The following BARD1 variants were observed in gnomAD, a reference collection of about 807,000 sequenced individuals.
BARD1 encodes BRCA1 associated RING domain 1.
In BARD1, 73 loss-of-function variants were observed where a neutral mutation model predicts 77.0. That is an observed-to-expected ratio of 0.95 (90% CI 0.79 to 1.15). The LOEUF is 1.15. Ranked by LOEUF, BARD1 falls within the 50% of genes most tolerant of loss-of-function variation. The pLI is 0.00. For synonymous variants in BARD1, 384 were observed against 338.0 expected (o/e 1.14, Z -1.49); for missense variants, 993 against 938.8 (o/e 1.06, Z -0.75).
chr2:214,763,046 C>G (rs1242241557), intron 6 of BARD1, among the ~76,000 whole-genome samples: 3 of 152,026 alleles, frequency 2.0e-5, no homozygotes, highest in Admixed American at 6.6e-5. Context: ...TTTCAAAGAC[C>G]CTGCCCATCT....
intron 1 of BARD1, among the ~76,000 whole-genome samples, chr2:214,807,154 C>A (rs1359200558): frequency 1.3e-5 from 2 of 151,874 alleles, no homozygotes; most frequent in Non-Finnish European, 2.9e-5. Context: ...AATTTGCAGA[C>A]CCCTACATGA....
chr2:214,809,146 A>C (rs2106169721), intron 1 of BARD1, among the ~76,000 whole-genome samples: 1 of 152,318 alleles, frequency 6.6e-6, no homozygotes, highest in African/African-American at 2.4e-5. Context: ...CCACACCTCC[A>C]GACGGTTCTT....
intron 2 of BARD1, among the ~76,000 whole-genome samples, chr2:214,796,352 G>A (rs1191470874): frequency 6.6e-6 from 1 of 152,186 alleles, no homozygotes; most frequent in Non-Finnish European, 1.5e-5. Context: ...TTTGGAAAAA[G>A]AGGCTCTAGA....
At chr2:214,799,663 C>T (rs1245895946) in intron 1 of BARD1, among the ~76,000 whole-genome samples, 1 of 151,210 alleles carries the variant, frequency 6.6e-6, no homozygotes, top group Non-Finnish European at 1.5e-5. Flanking sequence ...TGCCTTTCTT[C>T]TCTCATTTGC....
chr2:214,806,085 C>T (rs1268500488), intron 1 of BARD1, among the ~76,000 whole-genome samples: 1 of 152,178 alleles, frequency 6.6e-6, no homozygotes, highest in Non-Finnish European at 1.5e-5. Flanking sequence ...GGTTGTGAGG[C>T]TTGGTCCTAA....
In BARD1 at chr2:214,781,085, A is replaced by G. The variant is rs1345594874; in HGVS notation, c.789T>C (p.Ser263=). The change falls in exon 4 of 11, where the codon AGT becomes AGC. Residue 263 remains serine, a synonymous_variant. Coordinates refer to ENST00000260947, the MANE Select transcript of BARD1 (RefSeq NM_000465.4). ...AACATTCAGATTCTGTCAAGGAGCCACTTGCTAGTAAGTCTATTTCACCAT... is the reference window on the plus strand; with the variant it reads ...AACATTCAGATTCTGTCAAGGAGCCGCTTGCTAGTAAGTCTATTTCACCAT... ...QINGEIDLLA[S]GSLTESECFG... 4 of 1,593,252 alleles carry G rather than the reference A, an allele frequency of 2.5e-6. No individual in the cohort carries two copies. The highest frequency in any genetic ancestry group is 1.4e-5 in the African/African-American group (1 of 73,928).
At chr2:214,809,351 C>T in intron 1 of BARD1, 61 bp downstream of exon 1, 1 of 1,599,390 alleles carries the variant, frequency 6.3e-7, no homozygotes, top group Non-Finnish European at 8.5e-7. Context: ...AAGATTCTGC[C>T]GCCCCCAGAA....
In BARD1 at chr2:214,767,609, G is replaced by GGGAAA; in HGVS notation, c.1440_1441insTTTCC (p.Leu481PhefsTer9). The GGGAAA allele has an allele frequency of 6.2e-7, 1 of 1,614,042 alleles. No homozygotes were observed. The highest frequency in any genetic ancestry group is 8.5e-7 in the Non-Finnish European group (1 of 1,179,952). ...GTGTTCACCAATGCCTTATGCTGGA[G>GGGAAA]CAATAATTCCACTACCTTCAGGTGC... On this transcript the variant is annotated frameshift_variant, in exon 6 of 11. Transcript: ENST00000260947. LOFTEE classifies it high-confidence loss of function.
intron 3 of BARD1, among the ~76,000 whole-genome samples, chr2:214,783,788 A>C (rs1169596248): frequency 6.6e-6 from 1 of 152,150 alleles, no homozygotes; most frequent in Non-Finnish European, 1.5e-5. Flanking sequence ...CTATTTAATA[A>C]ATGATGTTGG....
rs1559454295 is a variant in BARD1 at position 214,809,453 on chromosome 2, GGC to G, written c.115_116del (p.Ala39ArgfsTer16). On this transcript the variant is annotated frameshift_variant, in exon 1 of 11. Coordinates refer to ENST00000260947, the MANE Select transcript of BARD1 (RefSeq NM_000465.4). LOFTEE classifies it high-confidence loss of function. ...DGRGAWAHSR[A>X]ALDRLEKLLR... The stretch of plus-strand genomic sequence containing the variant: ...GCAGCTTCTCCAGGCGGTCGAGCGC[GGC>G]GCGACTGTGGGCCCAGGCACCGCGA... 1 of 1,611,572 alleles carries G rather than the reference GGC, an allele frequency of 6.2e-7. No homozygotes were observed. Among genetic ancestry groups the G allele is most frequent in the Non-Finnish European group, 8.5e-7 (1 of 1,179,628 alleles).
intron 9 of BARD1, among the ~76,000 whole-genome samples, chr2:214,742,187 T>A (rs1369905184): frequency 6.6e-6 from 1 of 152,234 alleles, no homozygotes; most frequent in Non-Finnish European, 1.5e-5. Flanking sequence ...CATCTTTTAA[T>A]ATGAATGGTT....
chr2:214,750,156 ACT>A (rs1693338664), intron 7 of BARD1, among the ~76,000 whole-genome samples: 3 of 151,642 alleles, frequency 2.0e-5, no homozygotes, highest in South Asian at 2.1e-4. Context: ...GAGTCTACCA[ACT>A]CTCTCTAAAA....
chr2:214,730,046 C>T (rs190791143), intron 10 of BARD1, among the ~76,000 whole-genome samples: 26 of 152,270 alleles, frequency 1.7e-4, no homozygotes, highest in African/African-American at 6.3e-4. Context: ...ATAATATCAA[C>T]AGGATAATGC....
At chr2:214,759,768 G>GA (rs1357408372) in intron 6 of BARD1, among the ~76,000 whole-genome samples, 3 of 152,048 alleles carry the variant, frequency 2.0e-5, no homozygotes, top group Non-Finnish European at 4.4e-5. Flanking sequence ...GCCTCTATGG[G>GA]AAAAAATAGG....
At chr2:214,799,811 T>G (rs186706884) in intron 1 of BARD1, among the ~76,000 whole-genome samples, 1 of 152,178 alleles carries the variant, frequency 6.6e-6, no homozygotes, top group East Asian at 1.9e-4. Context: ...CCATACCAGC[T>G]ACTCCCATCT....
intron 4 of BARD1, among the ~76,000 whole-genome samples, chr2:214,770,560 G>T (rs186553341): frequency 2.2e-4 from 33 of 152,330 alleles, no homozygotes; most frequent in African/African-American, 7.9e-4. Flanking sequence ...TCTGAAGGCA[G>T]ACAATATTAA....
chr2:214,774,323 G>A (rs901820972), intron 4 of BARD1, among the ~76,000 whole-genome samples: 4 of 151,998 alleles, frequency 2.6e-5, no homozygotes, highest in Admixed American at 2.6e-4. Flanking sequence ...AATCATCTGT[G>A]GAATACCCAT....
chr2:214,750,412 T>G (rs1693352284), intron 7 of BARD1, among the ~76,000 whole-genome samples: 1 of 152,140 alleles, frequency 6.6e-6, no homozygotes, highest in African/African-American at 2.4e-5. Context: ...TTACCCTGAA[T>G]CCCTCTTAAA....
rs905626929 is a variant in BARD1, at chr2:214,780,888, G to T, written c.986C>A (p.Ser329Tyr). 1.2e-6 allele frequency: 2 copies of T among 1,614,116 alleles called. No individual in the cohort carries two copies. Among genetic ancestry groups the T allele is most frequent in the Non-Finnish European group, 1.7e-6 (2 of 1,180,004 alleles). Residue 329 changes from serine (S) to tyrosine (Y), a missense_variant, in exon 4 of 11, where the codon TCC becomes TAC. Coordinates refer to ENST00000260947, the MANE Select transcript of BARD1 (RefSeq NM_000465.4). ...TCTACATCTCTTAGAAATGGGACTG[G>T]AAAGTCTATTGTGATGGCCACGTTT... is the stretch of plus-strand genomic sequence containing the variant. ...NGKRGHHNRLSSPISKRCRTS... is the reference protein window; with the variant it reads ...NGKRGHHNRLYSPISKRCRTS...
Sources: gnomAD v4.1 joint callset for allele counts (sites outside exome capture counted in the v4.1 genomes callset) on GRCh38, gnomAD v4.1.1 for gene constraint, MANE v1.5 for transcripts, NCBI Gene and HGNC (gene_info 2026-07-23, HGNC 2026-07-21) for gene names.